Variants in PARD3B observed in about 807,000 individuals in gnomAD.
The protein encoded by PARD3B is partitioning defective 3 homolog B.
A neutral mutation model predicts 130.2 loss-of-function variants in PARD3B; 103 were observed. The observed-to-expected ratio is 0.79, with a 90% confidence interval of 0.67 to 0.93. The LOEUF (loss-of-function observed/expected upper bound fraction) is 0.93. Among genes scored for constraint, PARD3B ranks in the 40% least tolerant of loss-of-function variants. The pLI, the probability that PARD3B is intolerant of heterozygous loss-of-function variation, is 0.00. For synonymous variants in PARD3B, 583 were observed against 553.2 expected, an observed-to-expected ratio of 1.05 and a Z score of -0.76; for missense variants, 1,609 against 1,499.2, an observed-to-expected ratio of 1.07 and a Z score of -1.21.
In PARD3B at chr2:205,350,309, A is replaced by T. The variant is rs369289401; in HGVS notation, c.2630+48608A>T. Among the ~76,000 whole-genome samples the T allele has an allele frequency of 2.1e-4, 32 of 152,316 alleles. No individual in the cohort carries two copies. In the South Asian group the frequency reaches 4.1e-3, roughly 20 times the overall value. On this transcript the variant is annotated intron_variant, in intron 18 of 22. Coordinates refer to ENST00000406610, the MANE Select transcript of PARD3B (RefSeq NM_001302769.2). The stretch of plus-strand genomic sequence containing the variant: ...TGCCAATCTTTTTCAATAAGAAACC[A>T]TCTCCTTGGTTTGCACATCTGTGTT...
chr2:204,917,278 T>C (rs1346251643), intron 2 of PARD3B, among the ~76,000 whole-genome samples: 2 of 152,156 alleles, frequency 1.3e-5, no homozygotes, highest in Non-Finnish European at 2.9e-5. Context: ...GAAGGATCTG[T>C]AGCTGAGGAA....
At position 205,239,942 on chromosome 2, in the gene PARD3B, G is replaced by T. The variant is rs377316562; in HGVS notation, c.2141-5836G>T. On this transcript the variant is annotated intron_variant, in intron 15 of 22. Transcript: ENST00000406610. ...TCAGCAAAAGCCTTGTTTTGTGTGTGTGGGTGTGGGTGTGTGTTTGTGTGT... is the reference window on the plus strand; with the variant it reads ...TCAGCAAAAGCCTTGTTTTGTGTGTTTGGGTGTGGGTGTGTGTTTGTGTGT... Among the ~76,000 whole-genome samples the T allele has an allele frequency of 5.9e-5, 9 of 152,252 alleles. No individual in the cohort carries two copies. The East Asian group carries it at 1.2e-3, about 20-fold the overall frequency.
Position 205,292,498 on chromosome 2 carries a change from A to G in PARD3B, c.2186-8032A>G, listed in dbSNP as rs1275485423. Among the ~76,000 whole-genome samples, 1 of 152,116 alleles carries G rather than the reference A, an allele frequency of 6.6e-6. No homozygotes were observed. The highest frequency in any genetic ancestry group is 2.4e-5 in the African/African-American group (1 of 41,406). ...ACTCAGGCACACATGAAAGCTATAAATCTTGAAACACAGGAATCATACTCA... is the reference window on the plus strand; with the variant it reads ...ACTCAGGCACACATGAAAGCTATAAGTCTTGAAACACAGGAATCATACTCA... On this transcript the variant is annotated intron_variant, in intron 16 of 22. Coordinates refer to ENST00000406610, the MANE Select transcript of PARD3B (RefSeq NM_001302769.2). The surrounding 1 kb of genome is among the most constrained non-coding windows in gnomAD (Gnocchi z 5.3).
chr2:205,104,057 C>T (rs928447978), intron 4 of PARD3B, among the ~76,000 whole-genome samples: 14 of 152,134 alleles, frequency 9.2e-5, no homozygotes, highest in African/African-American at 3.4e-4. Flanking sequence ...CAAGCAAGTA[C>T]GTACCTTAAG....
chr2:204,662,023 A>T (rs79242378), intron 1 of PARD3B, among the ~76,000 whole-genome samples: 1 of 152,106 alleles, frequency 6.6e-6, no homozygotes, highest in African/African-American at 2.4e-5. Context: ...TTTCTTAAGG[A>T]TTTCTTACAA....
At chr2:205,092,517 T>C (rs1702169211) in intron 4 of PARD3B, among the ~76,000 whole-genome samples, 2 of 152,078 alleles carry the variant, frequency 1.3e-5, no homozygotes, top group Non-Finnish European at 2.9e-5. Flanking sequence ...TGGAGGTACT[T>C]GGGAGGTGAT....
intron 14 of PARD3B, among the ~76,000 whole-genome samples, chr2:205,186,371 T>C (rs1175101429): frequency 6.6e-6 from 1 of 152,110 alleles, no homozygotes; most frequent in South Asian, 2.1e-4. Context: ...ACTAAAAAAA[T>C]CAATAATTTT....
At chr2:205,086,454 C>G (rs778737046) in intron 4 of PARD3B, among the ~76,000 whole-genome samples, 4 of 152,124 alleles carry the variant, frequency 2.6e-5, no homozygotes, top group African/African-American at 4.8e-5. Context: ...TTTGTATTTC[C>G]TAAGTCCAAA....
chr2:204,909,514 G>A (rs951615758), intron 2 of PARD3B, among the ~76,000 whole-genome samples: 1 of 152,134 alleles, frequency 6.6e-6, no homozygotes, highest in Non-Finnish European at 1.5e-5. Context: ...ATGTTAATAA[G>A]TACAGATTCT....
intron 20 of PARD3B, among the ~76,000 whole-genome samples, chr2:205,444,611 C>G (rs367743785): frequency 1.5e-4 from 23 of 152,238 alleles, no homozygotes; most frequent in African/African-American, 5.5e-4. Flanking sequence ...GGGGAATGAG[C>G]TGATGGATTT....
chr2:205,499,851 A>T, intron 20 of PARD3B, 45 bp from the exon 21 acceptor site: 1 of 1,533,102 alleles, frequency 6.5e-7, no homozygotes, highest in Non-Finnish European at 8.8e-7. Context: ...GATTTCAAAG[A>T]TGATGTACAC....
intron 3 of PARD3B, among the ~76,000 whole-genome samples, chr2:205,030,579 T>C (rs1697344889): frequency 6.6e-6 from 1 of 152,160 alleles, no homozygotes; most frequent in South Asian, 2.1e-4. Flanking sequence ...TTGTTAAGCA[T>C]GTATGAATAG....
intron 2 of PARD3B, among the ~76,000 whole-genome samples, chr2:204,820,434 A>G (rs1420826353): frequency 6.6e-6 from 1 of 152,092 alleles, no homozygotes; most frequent in Non-Finnish European, 1.5e-5. Context: ...GATGTCACCT[A>G]GGACTCTGAT....
At chr2:205,098,946 G>A (rs926630018) in intron 4 of PARD3B, among the ~76,000 whole-genome samples, 2 of 152,046 alleles carry the variant, frequency 1.3e-5, no homozygotes, top group Non-Finnish European at 2.9e-5. Context: ...TGCTAAAAAC[G>A]TTCGCTTTAA....
intron 2 of PARD3B, among the ~76,000 whole-genome samples, chr2:204,964,473 T>A (rs1025053196): frequency 1.3e-5 from 2 of 152,192 alleles, no homozygotes; most frequent in Admixed American, 1.3e-4. Flanking sequence ...GATTGACATA[T>A]AATTAGATTA....
intron 22 of PARD3B, among the ~76,000 whole-genome samples, chr2:205,566,871 C>T (rs1337348094): frequency 1.3e-5 from 2 of 152,130 alleles, no homozygotes; most frequent in African/African-American, 4.8e-5. Context: ...CTGCTTAGAT[C>T]GACAGCAAAG....
At chr2:205,170,342 A>G (rs1468997) in intron 11 of PARD3B, among the ~76,000 whole-genome samples, 54,801 of 152,034 alleles carry the variant, frequency 0.36, 10,152 homozygotes, top group Middle Eastern at 0.52. Flanking sequence ...TCTCATTTCC[A>G]GACTTGCTTC....
At chr2:204,753,210 T>C (rs569314141) in intron 2 of PARD3B, among the ~76,000 whole-genome samples, 1 of 152,282 alleles carries the variant, frequency 6.6e-6, no homozygotes, top group Admixed American at 6.5e-5. Flanking sequence ...TTTCTGAAAA[T>C]GAGAAATTTC....
At chr2:204,731,096 C>T (rs1224399504) in intron 2 of PARD3B, among the ~76,000 whole-genome samples, 3 of 152,154 alleles carry the variant, frequency 2.0e-5, no homozygotes, top group Non-Finnish European at 4.4e-5. Flanking sequence ...AATCCCTGAC[C>T]ATATCTCACT....
Sources: allele counts gnomAD v4.1 joint callset (sites outside exome capture counted in the v4.1 genomes callset), GRCh38; gene constraint gnomAD v4.1.1; non-coding constraint Gnocchi (gnomAD v3.1); transcripts MANE v1.5; gene names NCBI Gene and HGNC (gene_info 2026-07-23, HGNC 2026-07-21).